THOC7: variants seen among roughly 807,000 people sequenced by gnomAD.
THOC7 encodes the protein NIF3L1-binding protein 1.
THOC7 carries 22 observed loss-of-function variants against 33.1 expected under a neutral mutation model. That is an observed-to-expected ratio of 0.66 (90% confidence interval 0.47 to 0.95). The LOEUF (loss-of-function observed/expected upper bound fraction) is 0.95. Among genes scored for constraint, THOC7 ranks in the 40% least tolerant of loss-of-function variants. THOC7 has a pLI of 0.00. For missense variants in THOC7, 184 were observed against 245.3 expected, an observed-to-expected ratio of 0.75 and a Z score of 1.67; for synonymous variants, 77 against 76.8, an observed-to-expected ratio of 1.00 and a Z score of -0.01.
intron 1 of THOC7, among the ~76,000 whole-genome samples, chr3:63,847,229 T>C (rs1450998351): frequency 6.6e-6 from 1 of 152,214 alleles, no homozygotes; most frequent in African/African-American, 2.4e-5. Context: ...TATGTATTGG[T>C]ATAAATGCTA....
chr3:63,856,493 A>C (rs1702117822), intron 1 of THOC7, among the ~76,000 whole-genome samples: 1 of 152,184 alleles, frequency 6.6e-6, no homozygotes, highest in Admixed American at 6.5e-5. Flanking sequence ...CATGTATCAA[A>C]ATATCTCATG....
At chr3:63,860,391 TC>T (rs1450282876) in intron 1 of THOC7, among the ~76,000 whole-genome samples, 2 of 152,218 alleles carry the variant, frequency 1.3e-5, no homozygotes, top group Non-Finnish European at 2.9e-5. Flanking sequence ...GATTTAGCCT[TC>T]TTTTACCTAG....
At chr3:63,853,766 G>C (rs1235479002) in intron 1 of THOC7, among the ~76,000 whole-genome samples, 1 of 152,052 alleles carries the variant, frequency 6.6e-6, no homozygotes, top group Non-Finnish European at 1.5e-5. Flanking sequence ...AAATTAGCCG[G>C]GCATAGTGGC....
chr3:63,834,132 C>T lies in THOC7; in HGVS notation c.615G>A (p.Ter205=), dbSNP rs80072081. The part of the protein sequence containing the change: ...EASMETDPKP[*] Reference sequence around the variant, plus strand: ...TGGGAGTGGTGGGCAATTAGCCTGTCTATGGCTTAGGATCTGTTTCCATGC... The same window carrying T: ...TGGGAGTGGTGGGCAATTAGCCTGTTTATGGCTTAGGATCTGTTTCCATGC... The change falls in exon 8 of 8, where the codon TAG becomes TAA. Residue 205 remains the stop codon, a stop_retained_variant. Coordinates refer to ENST00000295899, the MANE Select transcript of THOC7 (RefSeq NM_025075.4). 84 of 1,613,974 alleles carry T rather than the reference C, an allele frequency of 5.2e-5. No individual in the cohort carries two copies. Among genetic ancestry groups the T allele is most frequent in the Non-Finnish European group, 7.1e-5 (84 of 1,179,964 alleles).
intron 1 of THOC7, among the ~76,000 whole-genome samples, chr3:63,856,229 G>A (rs1325623425): frequency 2.0e-5 from 3 of 151,950 alleles, no homozygotes; most frequent in South Asian, 2.1e-4. Context: ...AAATAGAGAT[G>A]GTTACGAGAG....
At chr3:63,838,268 T>C in intron 3 of THOC7, 104 bp downstream of exon 3, 1 of 962,632 alleles carries the variant, frequency 1.0e-6, no homozygotes, top group Admixed American at 3.1e-5. Context: ...ATTAATACAG[T>C]AATTGTTATT....
chr3:63,843,860 C>T (rs1251975120), intron 1 of THOC7, among the ~76,000 whole-genome samples: 1 of 151,580 alleles, frequency 6.6e-6, no homozygotes, highest in Non-Finnish European at 1.5e-5. Flanking sequence ...GAGATCACGC[C>T]ACTGCACTCC....
upstream of THOC7, chr3:63,863,814 C>CGGCGGCGGCGCAAGCTGAGGCGGCGGTT: frequency 4.1e-6 from 5 of 1,234,246 alleles, no homozygotes; most frequent in South Asian, 3.9e-5. Context: ...GCGGCGGCGG[C>CGGCGGCGGCGCAAGCTGAGGCGGCGGTT]GGCGGCGGCG....
intron 1 of THOC7, among the ~76,000 whole-genome samples, chr3:63,846,386 CTTACTAGTAACTTATTATTTAAAAATT>C (rs1435297290): frequency 1.3e-5 from 2 of 152,020 alleles, no homozygotes; most frequent in Non-Finnish European, 2.9e-5. Flanking sequence ...AATTCAGGGT[CTTACTAGTAACTTATTATTTAAAAATT>C]TTTATTTTTT....
At chr3:63,843,417 C>A (rs910910354) in intron 1 of THOC7, among the ~76,000 whole-genome samples, 3 of 152,148 alleles carry the variant, frequency 2.0e-5, no homozygotes, top group Non-Finnish European at 4.4e-5. Flanking sequence ...TGTGCCAGGC[C>A]TCAATAATTC....
At chr3:63,855,458 A>G (rs1468355219) in intron 1 of THOC7, among the ~76,000 whole-genome samples, 1 of 152,236 alleles carries the variant, frequency 6.6e-6, no homozygotes, top group Non-Finnish European at 1.5e-5. Flanking sequence ...TTTCATAAAC[A>G]TAGAGGCAGG....
intron 1 of THOC7, among the ~76,000 whole-genome samples, chr3:63,851,181 G>A (rs1702013917): frequency 6.6e-6 from 1 of 152,158 alleles, no homozygotes; most frequent in African/African-American, 2.4e-5. Flanking sequence ...TTTCCAGAGA[G>A]CCATCTGTCA....
In THOC7 at chr3:63,834,165, C is replaced by T. The variant is rs1172033772; in HGVS notation, c.582G>A (p.Gln194=). 2.5e-6 allele frequency: 4 copies of T among 1,614,028 alleles called. No individual in the cohort carries two copies. The East Asian group carries it at 6.7e-5, about 27-fold the overall frequency. The part of the protein sequence containing the change: ...DEKLSEVEEA[Q]EASMETDPKP The stretch of plus-strand genomic sequence containing the variant: ...TAGGATCTGTTTCCATGCTTGCTTC[C>T]TGAGCTTCTTCTACCTCTGAGAGTT... The change falls in exon 8 of 8, where the codon CAG becomes CAA. Residue 194 remains glutamine (Q), a synonymous_variant. Coordinates refer to ENST00000295899, the MANE Select transcript of THOC7 (RefSeq NM_025075.4).
intron 7 of THOC7, among the ~76,000 whole-genome samples, chr3:63,834,916 T>C (rs1053144052): frequency 3.3e-5 from 5 of 152,192 alleles, no homozygotes; most frequent in Non-Finnish European, 7.3e-5. Flanking sequence ...TCTATCATCC[T>C]TGAATTTTTC....
intron 1 of THOC7, among the ~76,000 whole-genome samples, chr3:63,856,828 C>A (rs1203108789): frequency 1.3e-5 from 2 of 152,136 alleles, no homozygotes; most frequent in Admixed American, 6.5e-5. Context: ...TGCCACTCTA[C>A]TGCCTCAGCC....
chr3:63,851,423 C>T (rs1702018563), intron 1 of THOC7, among the ~76,000 whole-genome samples: 2 of 152,174 alleles, frequency 1.3e-5, no homozygotes, highest in Admixed American at 1.3e-4. Flanking sequence ...GGACTAAGTT[C>T]TTGTACTATG....
chr3:63,848,403 T>A (rs1400524973), intron 1 of THOC7: 1 of 152,174 alleles, frequency 6.6e-6, no homozygotes, highest in Non-Finnish European at 1.5e-5. Flanking sequence ...AATCAGAAAA[T>A]CGACTCCACC....
intron 1 of THOC7, among the ~76,000 whole-genome samples, chr3:63,858,322 C>T (rs193148613): frequency 6.8e-4 from 103 of 152,300 alleles, no homozygotes; most frequent in Non-Finnish European, 8.8e-5. Context: ...CCTCTGCATT[C>T]ACAGAAAAAT....
intron 1 of THOC7, among the ~76,000 whole-genome samples, chr3:63,857,700 C>A (rs1293999685): frequency 6.6e-6 from 1 of 152,160 alleles, no homozygotes; most frequent in South Asian, 2.1e-4. Context: ...AGATATTAAC[C>A]TCTCCTAAGA....
Sources: allele counts gnomAD v4.1 joint callset (sites outside exome capture counted in the v4.1 genomes callset), GRCh38; gene constraint gnomAD v4.1.1; transcripts MANE v1.5; gene names NCBI Gene and HGNC (gene_info 2026-07-23, HGNC 2026-07-21).